C14orf39: variants seen among roughly 807,000 people sequenced by gnomAD.
C14orf39 encodes the protein chromosome 14 open reading frame 39.
C14orf39 carries 66 observed loss-of-function variants against 85.6 expected under a neutral mutation model. The ratio of observed to expected loss-of-function variants is 0.77; its 90% CI spans 0.63 to 0.95. C14orf39 has a LOEUF of 0.95. Among genes scored for constraint, C14orf39 ranks in the 40% least tolerant of loss-of-function variants. C14orf39 has a pLI of 0.00. For missense variants in C14orf39, 735 were observed against 663.9 expected (o/e 1.11, Z -1.18); for synonymous variants, 242 against 214.0 (o/e 1.13, Z -1.14).
chr14:60,471,808 T>A, intron 5 of C14orf39, 69 bp from the exon 6 acceptor site: 1 of 845,150 alleles, frequency 1.2e-6, no homozygotes, highest in African/African-American at 1.7e-5. Context: ...AATACACTGT[T>A]AAAGTCTACT....
In C14orf39 at chr14:60,461,517, A is replaced by C; in HGVS notation, c.1049T>G (p.Met350Arg). Residue 350 changes from methionine to arginine, a missense_variant, in exon 12 of 18, where the codon ATG becomes AGG. Coordinates refer to ENST00000321731, the MANE Select transcript of C14orf39 (RefSeq NM_174978.3). Reference protein sequence around the residue: ...ITTITSSQKFMQVRLLTPQKQ... With the variant: ...ITTITSSQKFRQVRLLTPQKQ... ...TATTTTAAAAAGTTACCTGACTTGC[A>C]TAAACTTTTGTGAACTTGTGATAGT... 1 of 1,592,098 alleles carries C rather than the reference A, an allele frequency of 6.3e-7. No individual in the cohort carries two copies.
At position 60,466,026 on chromosome 14, in the gene C14orf39, A is replaced by C. The variant is rs747990460; in HGVS notation, c.925T>G (p.Ser309Ala). ...CTAAAGTCAATATTGGCAAGCTTTG[A>C]CTGCTTCGCAGAACTTTCTTCTTTT... The part of the protein sequence containing the change: ...DIKEESSAKQ[S>A]KLANIDFRQK... The change falls in exon 11 of 18, where the codon TCA (serine) becomes GCA (alanine). Residue 309 changes from serine (S) to alanine (A), a missense_variant. By Grantham distance (99) the Ser-to-Ala change is moderately conservative (BLOSUM62 1). Coordinates refer to ENST00000321731, the MANE Select transcript of C14orf39 (RefSeq NM_174978.3). 1.9e-6 allele frequency: 3 copies of C among 1,558,834 alleles called. No individual in the cohort carries two copies. The highest frequency in any genetic ancestry group is 2.4e-5 in the East Asian group (1 of 42,292).
rs1335919963 is a variant in C14orf39, at chr14:60,491,435, G to A, written c.-8-6349C>T. Among the ~76,000 whole-genome samples, 1 of 152,132 alleles carries A rather than the reference G, an allele frequency of 6.6e-6. No individual in the cohort carries two copies. Among genetic ancestry groups the A allele is most frequent in the Non-Finnish European group, 1.5e-5 (1 of 68,032 alleles). ...GGGATTAAGTTTCAACATGAATTGT[G>A]GAGGGACACAAACATTCAAACCACA... is the stretch of plus-strand genomic sequence containing the variant. On this transcript the variant is annotated intron_variant, in intron 2 of 5. Transcript: ENST00000556799. This position sits in a 1 kb window ranked among gnomAD's most constrained non-coding sequence, Gnocchi z 4.5.
At chr14:60,468,559 A>G in intron 8 of C14orf39, 23 bp from the exon 9 acceptor site, 1 of 1,383,318 alleles carries the variant, frequency 7.2e-7, no homozygotes, top group Non-Finnish European at 1.0e-6. Flanking sequence ...TTGGGAACAC[A>G]AAACAAAATA....
chr14:60,461,472 CAG>C lies in C14orf39; in HGVS notation c.1058+34_1058+35del, dbSNP rs779374643. 2.5e-6 allele frequency: 4 copies of C among 1,569,192 alleles called. 1 individual carries two copies. In the African/African-American group the frequency reaches 5.5e-5, roughly 22 times the overall value. On this transcript the variant is annotated intron_variant, in intron 12 of 17. Coordinates refer to ENST00000321731, the MANE Select transcript of C14orf39 (RefSeq NM_174978.3). ...CTGAGTTGATATCTATAAATTATTT[CAG>C]AGATTAAAGCATTTTCTTATTTTAA... is the stretch of plus-strand genomic sequence containing the variant.
intron 16 of C14orf39, among the ~76,000 whole-genome samples, chr14:60,444,645 A>T (rs189126393): frequency 1.3e-5 from 2 of 152,326 alleles, no homozygotes; most frequent in Non-Finnish European, 2.9e-5. Flanking sequence ...TATCCAGGAG[A>T]ACTTCCCTAA....
chr14:60,462,656 T>C (rs1376456266), intron 11 of C14orf39, among the ~76,000 whole-genome samples: 5 of 152,168 alleles, frequency 3.3e-5, no homozygotes, highest in Non-Finnish European at 7.4e-5. Context: ...GCTACTGTTT[T>C]GATGTATGCT....
intron 5 of C14orf39, 122 bp from the exon 6 acceptor site, chr14:60,471,861 C>G (rs1404290330): frequency 1.7e-6 from 1 of 595,186 alleles, no homozygotes; most frequent in African/African-American, 1.9e-5. Flanking sequence ...TCTTGCTTCC[C>G]TCAATATTGT....
intron 16 of C14orf39, 134 bp downstream of exon 16, chr14:60,454,867 C>A: frequency 1.7e-6 from 1 of 592,240 alleles, no homozygotes; most frequent in Non-Finnish European, 2.7e-6. Context: ...TTTGTCATAC[C>A]ATCAATACTC....
At position 60,471,613 on chromosome 14, in the gene C14orf39, G is replaced by A. The variant is rs1430465815; in HGVS notation, c.450C>T (p.Ser150=). 1 of 1,610,510 alleles carries A rather than the reference G, an allele frequency of 6.2e-7. No individual in the cohort carries two copies. The highest frequency in any genetic ancestry group is 1.7e-5 in the Admixed American group (1 of 59,606). ...EKKREHEEIQ[S]RVLACTEQLK... ...ATTGTTCAGTACATGCCAACACTCT[G>A]CTTTGAATTTCTTCATGTTCTCTTT... Residue 150 remains serine, a synonymous_variant, in exon 6 of 18, where the codon AGC becomes AGT. Coordinates refer to ENST00000321731, the MANE Select transcript of C14orf39 (RefSeq NM_174978.3).
chr14:60,510,724 C>T (rs990182878), intron 1 of C14orf39, among the ~76,000 whole-genome samples: 3 of 152,226 alleles, frequency 2.0e-5, no homozygotes, highest in Non-Finnish European at 4.4e-5. Flanking sequence ...ATCCCATGTC[C>T]CTGGGACCGA....
At chr14:60,461,023 T>TG (rs1208303623) in intron 13 of C14orf39, among the ~76,000 whole-genome samples, 6 of 151,650 alleles carry the variant, frequency 4.0e-5, no homozygotes, top group East Asian at 1.9e-4. Context: ...GTATATCAAG[T>TG]GGGAAAAAAG....
chr14:60,446,809 T>C (rs1011922655), intron 16 of C14orf39, among the ~76,000 whole-genome samples: 1 of 152,180 alleles, frequency 6.6e-6, no homozygotes, highest in Admixed American at 6.5e-5. Flanking sequence ...AATAAAATAC[T>C]GGCAAATCCA....
At chr14:60,490,461 A>G (rs1394902294), upstream of C14orf39, among the ~76,000 whole-genome samples, 12 of 149,388 alleles carry the variant, frequency 8.0e-5, no homozygotes, top group African/African-American at 2.9e-4. Flanking sequence ...ATGAATAAAT[A>G]AATAAATAAA....
intron 8 of C14orf39, 58 bp from the exon 9 acceptor site, chr14:60,468,594 G>T (rs988876689): frequency 3.1e-6 from 3 of 965,104 alleles, no homozygotes; most frequent in African/African-American, 1.7e-5. Context: ...AGTAAAAAAA[G>T]ATATGCTTTA....
At chr14:60,468,682 C>CA (rs1891918261) in intron 8 of C14orf39, 146 bp from the exon 9 acceptor site, 1 of 433,464 alleles carries the variant, frequency 2.3e-6, no homozygotes, top group East Asian at 3.7e-5. Flanking sequence ...GTTATTAAAA[C>CA]AAAAACAAAA....
At chr14:60,482,049 T>G (rs1464933137) in intron 4 of C14orf39, among the ~76,000 whole-genome samples, 1 of 152,234 alleles carries the variant, frequency 6.6e-6, no homozygotes, top group African/African-American at 2.4e-5. Flanking sequence ...TTTCATAGAT[T>G]CTTATTTCAC....
chr14:60,499,631 G>T (rs1003596349), intron 1 of C14orf39, among the ~76,000 whole-genome samples: 1 of 152,180 alleles, frequency 6.6e-6, no homozygotes, highest in African/African-American at 2.4e-5. Context: ...TGGCAAGGTT[G>T]GCAATACTAA....
At position 60,511,127 on chromosome 14, in the gene C14orf39, C is replaced by G. The variant is rs148118869; in HGVS notation, c.-144+4268G>C. The G allele has an allele frequency of 3.3e-5, 54 of 1,612,688 alleles. No homozygotes were observed. Among genetic ancestry groups the G allele is most frequent in the Non-Finnish European group, 4.3e-5 (51 of 1,179,858 alleles). On this transcript the variant is annotated intron_variant, in intron 1 of 5. Coordinates refer to the C14orf39 transcript ENST00000556799. ...GTCACAGGGTTCCGGGCGGGCACTACGGGCGGAGGGCGACGGCACGCCAGA... is the reference window on the plus strand; with the variant it reads ...GTCACAGGGTTCCGGGCGGGCACTAGGGGCGGAGGGCGACGGCACGCCAGA...
Sources: allele counts gnomAD v4.1 joint callset (sites outside exome capture counted in the v4.1 genomes callset), GRCh38; gene constraint gnomAD v4.1.1; non-coding constraint Gnocchi (gnomAD v3.1); transcripts MANE v1.5; gene names NCBI Gene and HGNC (gene_info 2026-07-23, HGNC 2026-07-21).